The following KIFAP3 variants were observed in gnomAD, a reference collection of about 807,000 sequenced individuals.
KIFAP3 encodes kinesin-associated protein 3.
KIFAP3 carries 68 observed loss-of-function variants against 106.5 expected under a neutral mutation model. The observed-to-expected ratio is 0.64, with a 90% confidence interval of 0.53 to 0.78. The LOEUF is 0.78. Ranked by LOEUF, KIFAP3 falls within the 30% of genes least tolerant of loss-of-function variation. The probability of loss-of-function intolerance (pLI) is 0.00; values close to 1 mark genes in which losing one functional copy is unlikely to be tolerated. For missense variants in KIFAP3, 780 were observed against 941.8 expected (o/e 0.83, Z 2.25); for synonymous variants, 320 against 311.5 (o/e 1.03, Z -0.29).
chr1:169,955,298 T>C (rs144368307), intron 18 of KIFAP3, among the ~76,000 whole-genome samples: 31 of 152,318 alleles, frequency 2.0e-4, no homozygotes, highest in Middle Eastern at 6.8e-3. Flanking sequence ...AAAATTACAA[T>C]ACATAACCTC....
chr1:169,931,925 G>A (rs961462296), intron 19 of KIFAP3, among the ~76,000 whole-genome samples: 1 of 152,112 alleles, frequency 6.6e-6, no homozygotes, highest in Non-Finnish European at 1.5e-5. Flanking sequence ...TATGAACTGT[G>A]TATTTTACCC....
At chr1:169,996,610 C>T (rs925996439) in intron 10 of KIFAP3, among the ~76,000 whole-genome samples, 11 of 152,148 alleles carry the variant, frequency 7.2e-5, no homozygotes, top group Non-Finnish European at 4.4e-5. Context: ...GGGATTCAAA[C>T]CTAGGTCTGA....
chr1:169,984,094 T>G (rs887776664), intron 12 of KIFAP3, among the ~76,000 whole-genome samples: 1 of 151,810 alleles, frequency 6.6e-6, no homozygotes, highest in Non-Finnish European at 1.5e-5. Flanking sequence ...TATGATTATC[T>G]GTGGATGGTA....
At chr1:169,981,909 T>C (rs1383984100) in intron 15 of KIFAP3, 63 bp downstream of exon 15, 4 of 1,322,958 alleles carry the variant, frequency 3.0e-6, no homozygotes, top group Admixed American at 4.3e-5. Context: ...GCATTTTATA[T>C]TTAAATATTT....
At chr1:170,061,543 G>A (rs951847096) in intron 1 of KIFAP3, among the ~76,000 whole-genome samples, 30 of 152,162 alleles carry the variant, frequency 2.0e-4, no homozygotes, top group Non-Finnish European at 4.3e-4. Flanking sequence ...GGAGAAATAG[G>A]AACAGTTTTA....
chr1:169,927,117 A>G (rs534238530), intron 19 of KIFAP3, among the ~76,000 whole-genome samples: 2 of 152,300 alleles, frequency 1.3e-5, no homozygotes, highest in African/African-American at 4.8e-5. Context: ...ATGATTTGTC[A>G]TGGGAAATTT....
At chr1:170,041,563 G>T (rs985055999) in intron 3 of KIFAP3, 1 of 706,708 alleles carries the variant, frequency 1.4e-6, no homozygotes, top group Non-Finnish European at 2.3e-6. Context: ...TCTGCCTGTG[G>T]CTCGGTGACC....
intron 19 of KIFAP3, among the ~76,000 whole-genome samples, chr1:169,931,177 C>T (rs932443574): frequency 3.3e-5 from 5 of 152,086 alleles, no homozygotes; most frequent in African/African-American, 1.2e-4. Flanking sequence ...GCCTCAGCCT[C>T]CCAAAATGCT....
At chr1:170,021,802 A>G (rs1668843546) in intron 9 of KIFAP3, among the ~76,000 whole-genome samples, 1 of 152,094 alleles carries the variant, frequency 6.6e-6, no homozygotes, top group Non-Finnish European at 1.5e-5. Context: ...TTAGTCAATC[A>G]GATGTTTAAA....
At chr1:169,942,739 C>G (rs916083179) in intron 19 of KIFAP3, among the ~76,000 whole-genome samples, 7 of 152,138 alleles carry the variant, frequency 4.6e-5, no homozygotes, top group African/African-American at 1.4e-4. Flanking sequence ...AACCCTCTGG[C>G]TACTTCCTGC....
At chr1:169,959,459 T>C (rs1319507168) in intron 18 of KIFAP3, among the ~76,000 whole-genome samples, 7 of 152,312 alleles carry the variant, frequency 4.6e-5, no homozygotes, top group African/African-American at 1.2e-4. Context: ...ACCTAAATGT[T>C]TCTAAGTTTT....
At chr1:169,937,681 C>T (rs1163631150) in intron 19 of KIFAP3, among the ~76,000 whole-genome samples, 1 of 151,750 alleles carries the variant, frequency 6.6e-6, no homozygotes, top group Admixed American at 6.6e-5. Context: ...TCTAAAGATA[C>T]AACTTTAAGA....
Position 170,074,418 on chromosome 1 carries a change from G to T in KIFAP3, c.32+18C>A. The T allele has an allele frequency of 6.2e-7, 1 of 1,613,814 alleles. No individual in the cohort carries two copies. The highest frequency in any genetic ancestry group is 8.5e-7 in the Non-Finnish European group (1 of 1,179,872). On this transcript the variant is annotated intron_variant, in intron 1 of 19. Coordinates refer to ENST00000361580, the MANE Select transcript of KIFAP3 (RefSeq NM_014970.4). Reference sequence around the variant, plus strand: ...GCCCTGGCAAGGAGGGTAGGACAGAGCCTTGGGGAGTCGTCACCTTTTGAG... The same window carrying T: ...GCCCTGGCAAGGAGGGTAGGACAGATCCTTGGGGAGTCGTCACCTTTTGAG...
chr1:170,058,109 A>C (rs1271064198), intron 1 of KIFAP3, among the ~76,000 whole-genome samples: 1 of 152,164 alleles, frequency 6.6e-6, no homozygotes, highest in Non-Finnish European at 1.5e-5. Context: ...TTATGTTCCT[A>C]GATTTCATGT....
chr1:169,968,493 GGTTT>G (rs1665745501), intron 17 of KIFAP3, among the ~76,000 whole-genome samples: 2 of 151,586 alleles, frequency 1.3e-5, no homozygotes, highest in Non-Finnish European at 2.9e-5. Flanking sequence ...ACTGTAATAT[GGTTT>G]ATTTAATATA....
At chr1:170,040,976 C>T (rs1190869628) in intron 3 of KIFAP3, among the ~76,000 whole-genome samples, 2 of 152,000 alleles carry the variant, frequency 1.3e-5, no homozygotes, top group Admixed American at 1.3e-4. Flanking sequence ...CAGGCGCACA[C>T]CACAACGCCC....
At chr1:170,020,482 T>C (rs1668752515) in intron 9 of KIFAP3, among the ~76,000 whole-genome samples, 1 of 152,034 alleles carries the variant, frequency 6.6e-6, no homozygotes, top group African/African-American at 2.4e-5. Flanking sequence ...TGAGACGGAG[T>C]CTTGCTCTGT....
chr1:170,082,741 G>A (rs1360902538), intron 1 of KIFAP3, among the ~76,000 whole-genome samples: 1 of 152,178 alleles, frequency 6.6e-6, no homozygotes, highest in Non-Finnish European at 1.5e-5. Flanking sequence ...GGGGGGCCAA[G>A]GTGGGAGGAT....
At position 169,982,100 on chromosome 1, in the gene KIFAP3, A is replaced by G. The variant is rs1184669402; in HGVS notation, c.1673-3T>C. On this transcript the variant is annotated splice_region_variant and splice_polypyrimidine_tract_variant and intron_variant, in intron 14 of 19. Coordinates refer to ENST00000361580, the MANE Select transcript of KIFAP3 (RefSeq NM_014970.4). ...AACAAGATCATCTTCTGCAGCACCT[A>G]GTGAAGTCAAACCATAGAAAGTTTT... 5 of 1,611,686 alleles carry G rather than the reference A, an allele frequency of 3.1e-6. No homozygotes were observed. Among genetic ancestry groups the G allele is most frequent in the Non-Finnish European group, 4.2e-6 (5 of 1,179,084 alleles).
Sources: allele counts gnomAD v4.1 joint callset (sites outside exome capture counted in the v4.1 genomes callset), GRCh38; gene constraint gnomAD v4.1.1; transcripts MANE v1.5; gene names NCBI Gene and HGNC (gene_info 2026-07-23, HGNC 2026-07-21).